CFAP54: variants seen among roughly 807,000 people sequenced by gnomAD.
CFAP54 encodes the protein cilia- and flagella-associated protein 54.
Under a neutral mutation model 370.4 loss-of-function variants are expected in CFAP54, and 290 were observed. That is an observed-to-expected ratio of 0.78 (90% CI 0.71 to 0.86). CFAP54 has a LOEUF of 0.86. Among genes scored for constraint, CFAP54 ranks in the 40% least tolerant of loss-of-function variants. The pLI, the probability that CFAP54 is intolerant of heterozygous loss-of-function variation, is 0.00. For synonymous variants in CFAP54, 1,206 were observed against 1,236.5 expected (o/e 0.98, Z 0.52); for missense variants, 3,399 against 3,528.7 (o/e 0.96, Z 0.93).
At chr12:96,650,734 G>T (rs954691461) in intron 35 of CFAP54, among the ~76,000 whole-genome samples, 4 of 152,116 alleles carry the variant, frequency 2.6e-5, no homozygotes, top group African/African-American at 9.7e-5. Context: ...AAGAAAGGAA[G>T]ACAGGTTCTC....
intron 50 of CFAP54, among the ~76,000 whole-genome samples, chr12:96,736,507 G>A (rs1957981952): frequency 6.6e-6 from 1 of 152,214 alleles, no homozygotes; most frequent in Non-Finnish European, 1.5e-5. Flanking sequence ...GGGGTAGGCA[G>A]AGGATGGAAA....
At chr12:96,874,575 T>C (rs1440384692) in intron 67 of CFAP54, among the ~76,000 whole-genome samples, 1 of 151,474 alleles carries the variant, frequency 6.6e-6, no homozygotes, top group African/African-American at 2.4e-5. Flanking sequence ...TCTTCTGTTT[T>C]CAGGAACAAT....
intron 55 of CFAP54, among the ~76,000 whole-genome samples, chr12:96,747,965 CT>C (rs909090891): frequency 6.6e-6 from 1 of 152,028 alleles, no homozygotes; most frequent in African/African-American, 2.4e-5. Context: ...TTTTTATGAC[CT>C]TTTTTTCTGT....
Position 96,534,221 on chromosome 12 carries a change from G to T in CFAP54, c.1699G>T (p.Val567Phe), listed in dbSNP as rs1013974512. ...TCAAATTTATTTAAAAAAAATTGCT[G>T]TTCATGGTAAGTATTTATTTGTTTG... ...STQIYLKKIA[V>F]HDTCLKTCGY... is the part of the protein sequence containing the mutation. Residue 567 changes from valine to phenylalanine, a missense_variant, in exon 11 of 68, where the codon GTT (valine) becomes TTT (phenylalanine). Val to Phe is a conservative substitution (Grantham distance 50). Around this residue, in one of 3 missense-constraint regions of CFAP54, gnomAD observed 2,796 missense variants for 2,869.7 expected, o/e 0.97. Coordinates refer to ENST00000524981, the MANE Select transcript of CFAP54 (RefSeq NM_001306084.2). 162 of 1,420,278 alleles carry T rather than the reference G, an allele frequency of 1.1e-4. No individual in the cohort carries two copies. Among genetic ancestry groups the T allele is most frequent in the Non-Finnish European group, 1.4e-4 (147 of 1,057,098 alleles). 88.0% of individuals were successfully genotyped at this position (1,420,278 alleles called of 1,614,324 possible). A position where few individuals can be genotyped will look rare whatever the true frequency, so the allele number is the denominator to read the frequency against.
intron 66 of CFAP54, among the ~76,000 whole-genome samples, chr12:96,840,091 A>C (rs1959202437): frequency 6.6e-6 from 1 of 152,208 alleles, no homozygotes. Flanking sequence ...TAAGAAGGGA[A>C]TGTGGTTTGG....
At chr12:96,602,795 T>C (rs1295774000) in intron 26 of CFAP54, among the ~76,000 whole-genome samples, 1 of 152,204 alleles carries the variant, frequency 6.6e-6, no homozygotes, top group Non-Finnish European at 1.5e-5. Context: ...TTTTTTTTGC[T>C]TTCTGTTTGC....
chr12:96,640,846 A>G (rs1034827407), intron 32 of CFAP54, among the ~76,000 whole-genome samples: 19 of 152,174 alleles, frequency 1.2e-4, no homozygotes, highest in African/African-American at 4.3e-4. Context: ...TATTTAATAA[A>G]TGGTGCTGGG....
At chr12:96,552,115 G>T (rs555161568) in intron 15 of CFAP54, among the ~76,000 whole-genome samples, 2 of 151,788 alleles carry the variant, frequency 1.3e-5, no homozygotes, top group Non-Finnish European at 2.9e-5. Flanking sequence ...GCATGGTGGC[G>T]CATGCCTGTT....
intron 32 of CFAP54, among the ~76,000 whole-genome samples, chr12:96,641,182 A>G (rs985497378): frequency 6.6e-6 from 1 of 152,246 alleles, no homozygotes; most frequent in African/African-American, 2.4e-5. Flanking sequence ...TATCCATCTG[A>G]CAAAGGGCTA....
At chr12:96,560,726 A>G (rs937295184) in intron 17 of CFAP54, among the ~76,000 whole-genome samples, 3 of 152,142 alleles carry the variant, frequency 2.0e-5, no homozygotes, top group Non-Finnish European at 4.4e-5. Context: ...TGTCTGCCAG[A>G]TCTCTGCATT....
intron 48 of CFAP54, among the ~76,000 whole-genome samples, chr12:96,715,284 G>GT (rs1957664112): frequency 1.3e-5 from 2 of 151,926 alleles, no homozygotes; most frequent in Non-Finnish European, 2.9e-5. Context: ...AGTTAGCATC[G>GT]TTTTTTCCCA....
intron 6 of CFAP54, among the ~76,000 whole-genome samples, chr12:96,520,177 T>G (rs1329894497): frequency 6.6e-6 from 1 of 152,194 alleles, no homozygotes; most frequent in East Asian, 1.9e-4. Context: ...ATACACTTTC[T>G]AATGACCATT....
At chr12:96,752,281 T>G (rs1052145945) in intron 55 of CFAP54, among the ~76,000 whole-genome samples, 1 of 152,210 alleles carries the variant, frequency 6.6e-6, no homozygotes, top group African/African-American at 2.4e-5. Context: ...CCTCACGATT[T>G]TGTAGTTCTG....
At chr12:96,777,524 T>C (rs942429101) in intron 60 of CFAP54, among the ~76,000 whole-genome samples, 3 of 152,092 alleles carry the variant, frequency 2.0e-5, no homozygotes, top group African/African-American at 4.8e-5. Context: ...TAATTTTGTA[T>C]TTTTAGTAGA....
intron 3 of CFAP54, among the ~76,000 whole-genome samples, chr12:96,505,129 T>C (rs1446931256): frequency 1.3e-5 from 2 of 151,596 alleles, no homozygotes; most frequent in Non-Finnish European, 2.9e-5. Context: ...AGTGGCATGA[T>C]CTCAGTTCAC....
intron 66 of CFAP54, among the ~76,000 whole-genome samples, chr12:96,832,435 C>T (rs115661071): frequency 0.013 from 1,907 of 152,124 alleles, 39 homozygotes; most frequent in African/African-American, 0.044. Context: ...TTTAACTTCT[C>T]TAAGCCTCAG....
At chr12:96,846,933 A>T (rs1959372829) in intron 66 of CFAP54, among the ~76,000 whole-genome samples, 1 of 152,070 alleles carries the variant, frequency 6.6e-6, no homozygotes, top group Non-Finnish European at 1.5e-5. Flanking sequence ...TTCAATTCTG[A>T]TACTAACTAC....
At position 96,684,841 on chromosome 12, in the gene CFAP54, A is replaced by C. The variant is rs774234413; in HGVS notation, c.5804+106A>C. Reference sequence around the variant, plus strand: ...GTCTTTCATAAATTTTAGTTCTTCAACAATACTACATTGCTACATTTTATT... The same window carrying C: ...GTCTTTCATAAATTTTAGTTCTTCACCAATACTACATTGCTACATTTTATT... On this transcript the variant is annotated intron_variant, in intron 41 of 67. Coordinates refer to ENST00000524981, the MANE Select transcript of CFAP54 (RefSeq NM_001306084.2). 8.7e-6 allele frequency: 9 copies of C among 1,035,726 alleles called. No individual in the cohort carries two copies. The Admixed American group carries it at 2.0e-4, about 23-fold the overall frequency. The allele number at this position is 1,035,726 out of a possible 1,614,324, so 64.2% of individuals were successfully genotyped here. A position where few individuals can be genotyped will look rare whatever the true frequency, so the allele number is the denominator to read the frequency against.
intron 47 of CFAP54, among the ~76,000 whole-genome samples, chr12:96,705,173 C>T (rs922596801): frequency 7.2e-5 from 11 of 152,010 alleles, no homozygotes; most frequent in Non-Finnish European, 1.2e-4. Context: ...TAGAACCAGA[C>T]GACAGTTAAT....
Sources: gnomAD v4.1 joint callset for allele counts (sites outside exome capture counted in the v4.1 genomes callset) on GRCh38, gnomAD v4.1.1 for gene constraint, gnomAD v4.1.1 regional missense constraint, MANE v1.5 for transcripts, NCBI Gene and HGNC (gene_info 2026-07-23, HGNC 2026-07-21) for gene names.